Variants in CSMD1 observed in about 807,000 individuals in gnomAD.
CSMD1 encodes the protein CUB and sushi domain-containing protein 1.
A neutral mutation model predicts 417.5 loss-of-function variants in CSMD1; 213 were observed. The observed-to-expected ratio is 0.51, with a 90% CI of 0.46 to 0.57. The LOEUF (loss-of-function observed/expected upper bound fraction) is 0.57, where lower values mean the gene tolerates loss of function less well. CSMD1 is among the 20% of genes least tolerant of loss of function. The pLI, the probability that CSMD1 is intolerant of heterozygous loss-of-function variation, is 0.00. For missense variants in CSMD1, 6,923 were observed against 4,529.7 expected, an observed-to-expected ratio of 1.53 and a Z score of -15.17; for synonymous variants, 2,862 against 1,736.8, an observed-to-expected ratio of 1.65 and a Z score of -16.11.
Position 4,549,896 on chromosome 8 carries a change from C to CAA in CSMD1, c.302+87444_302+87445dup, listed in dbSNP as rs777040766. On this transcript the variant is annotated intron_variant, in intron 2 of 69. Coordinates refer to ENST00000635120, the MANE Select transcript of CSMD1 (RefSeq NM_033225.6). Reference sequence around the variant, plus strand: ...AGAGTGACAATCTAAGACTTTGTCTCAAAAAAAAAAAAAAAAAAAAAAAAG... The same window carrying CAA: ...AGAGTGACAATCTAAGACTTTGTCTCAAAAAAAAAAAAAAAAAAAAAAAAAAG... Among the ~76,000 whole-genome samples the CAA allele has an allele frequency of 6.6e-3, 587 of 88,454 alleles. 22 individuals are homozygous for CAA. Among genetic ancestry groups the CAA allele is most frequent in the African/African-American group, 0.016 (354 of 21,588 alleles). 58.0% of individuals were successfully genotyped at this position (88,454 alleles called of 152,430 possible).
chr8:4,875,756 C>T (rs925540756), intron 1 of CSMD1, among the ~76,000 whole-genome samples: 2 of 151,860 alleles, frequency 1.3e-5, no homozygotes, highest in Admixed American at 1.3e-4. Flanking sequence ...AACAAGCAAC[C>T]TTAAATTCAG....
intron 10 of CSMD1, among the ~76,000 whole-genome samples, chr8:3,527,491 C>A (rs752780667): frequency 1.2e-4 from 19 of 152,086 alleles, no homozygotes; most frequent in Non-Finnish European, 2.4e-4. Flanking sequence ...AAAGGTTTCC[C>A]AGGGGAGGTC....
At chr8:3,267,836 T>C (rs1463640991) in intron 26 of CSMD1, among the ~76,000 whole-genome samples, 1 of 152,060 alleles carries the variant, frequency 6.6e-6, no homozygotes, top group African/African-American at 2.4e-5. Context: ...GGGCCAACCA[T>C]TGACGGGATG....
chr8:4,037,830 A>G (rs542975618), intron 3 of CSMD1, among the ~76,000 whole-genome samples: 4 of 152,152 alleles, frequency 2.6e-5, no homozygotes, highest in South Asian at 2.1e-4. Flanking sequence ...TTGTATATAA[A>G]TATTAATATA....
chr8:3,348,322 G>A (rs984883865), intron 21 of CSMD1, among the ~76,000 whole-genome samples, 161 bp from the exon 22 acceptor site: 5 of 151,418 alleles, frequency 3.3e-5, no homozygotes, highest in African/African-American at 9.7e-5. Flanking sequence ...TTTATTGTTT[G>A]ACCAACTGGA....
At chr8:4,430,810 T>C (rs186896242) in intron 2 of CSMD1, among the ~76,000 whole-genome samples, 1 of 152,310 alleles carries the variant, frequency 6.6e-6, no homozygotes, top group Non-Finnish European at 1.5e-5. Context: ...ACAGCGTTTT[T>C]CCTGTCAATT....
chr8:2,986,067 A>G (rs1314170858), intron 54 of CSMD1, among the ~76,000 whole-genome samples: 11 of 145,048 alleles, frequency 7.6e-5, no homozygotes, highest in African/African-American at 3.1e-4. Context: ...AAGGAAGGAA[A>G]GAAGGGAGGG....
At chr8:3,359,561 G>C (rs1423787124) in intron 20 of CSMD1, among the ~76,000 whole-genome samples, 1 of 146,336 alleles carries the variant, frequency 6.8e-6, no homozygotes, top group African/African-American at 2.5e-5. Flanking sequence ...TTTAAGAATT[G>C]ACAGGTAAGA....
At chr8:4,052,420 G>C (rs1798480759) in intron 3 of CSMD1, among the ~76,000 whole-genome samples, 1 of 152,168 alleles carries the variant, frequency 6.6e-6, no homozygotes, top group Admixed American at 6.5e-5. Flanking sequence ...CCATATTGGA[G>C]ATCCCAAATA....
chr8:4,830,234 C>A (rs1387884229), intron 1 of CSMD1, among the ~76,000 whole-genome samples: 1 of 152,144 alleles, frequency 6.6e-6, no homozygotes, highest in Non-Finnish European at 1.5e-5. Flanking sequence ...CTCACCTCAA[C>A]CCTATGCCAC....
At chr8:3,084,988 C>T (rs1227283509) in intron 49 of CSMD1, among the ~76,000 whole-genome samples, 1 of 151,708 alleles carries the variant, frequency 6.6e-6, no homozygotes, top group Non-Finnish European at 1.5e-5. Context: ...TTGTAAATAT[C>T]TAAAAGGTGA....
At chr8:4,670,569 A>T (rs989852011) in intron 1 of CSMD1, among the ~76,000 whole-genome samples, 1 of 152,204 alleles carries the variant, frequency 6.6e-6, no homozygotes, top group African/African-American at 2.4e-5. Context: ...CTTAATATAA[A>T]AATAAAGCAC....
chr8:2,961,003 A>C (rs1803427865), intron 62 of CSMD1, 138 bp downstream of exon 62: 1 of 260,486 alleles, frequency 3.8e-6, no homozygotes, highest in African/African-American at 2.2e-5. Flanking sequence ...CACATGTAGA[A>C]ATCCCCTTTG....
chr8:3,246,131 C>A (rs1224585295), intron 26 of CSMD1, among the ~76,000 whole-genome samples: 2 of 152,130 alleles, frequency 1.3e-5, no homozygotes, highest in Non-Finnish European at 2.9e-5. Flanking sequence ...CATGTCACTT[C>A]TTTATTTAAA....
intron 3 of CSMD1, among the ~76,000 whole-genome samples, chr8:4,070,635 G>C (rs578189632): frequency 6.6e-6 from 1 of 152,200 alleles, no homozygotes; most frequent in Admixed American, 6.5e-5. Flanking sequence ...GGGATTACAG[G>C]CGTGAGCCAC....
chr8:4,102,392 G>A (rs1406373177), intron 3 of CSMD1, among the ~76,000 whole-genome samples: 2 of 152,098 alleles, frequency 1.3e-5, no homozygotes, highest in Non-Finnish European at 2.9e-5. Flanking sequence ...ACTTCGTAAG[G>A]TTAACCCCTC....
intron 3 of CSMD1, among the ~76,000 whole-genome samples, chr8:4,358,219 G>A (rs1801544206): frequency 6.6e-6 from 1 of 152,150 alleles, no homozygotes; most frequent in South Asian, 2.1e-4. Context: ...ATAATTTTAT[G>A]TACCAAATGA....
intron 25 of CSMD1, chr8:3,284,693 A>G: frequency 3.9e-6 from 1 of 258,408 alleles, no homozygotes; most frequent in Non-Finnish European, 7.6e-6. Context: ...TAAGCTTGGC[A>G]TTGACAGATG....
At chr8:3,520,057 A>C (rs1797443947) in intron 10 of CSMD1, among the ~76,000 whole-genome samples, 2 of 127,950 alleles carry the variant, frequency 1.6e-5, no homozygotes, top group African/African-American at 3.6e-5. Context: ...TAGTTGTGAA[A>C]CTTGCTCCAC....
Sources: allele counts gnomAD v4.1 joint callset (sites outside exome capture counted in the v4.1 genomes callset), GRCh38; gene constraint gnomAD v4.1.1; transcripts MANE v1.5; gene names NCBI Gene and HGNC (gene_info 2026-07-23, HGNC 2026-07-21).